The following REDIC1 variants were observed in gnomAD, a reference collection of about 807,000 sequenced individuals.
The protein encoded by REDIC1 is HEI10 Interacting Protein 1.
the REDIC1 span, among the ~76,000 whole-genome samples, chr12:39,901,937 C>T: frequency 1.2e-4 from 19 of 152,186 alleles, no homozygotes; most frequent in East Asian, 3.7e-3. Flanking sequence ...GACTTGGAAC[C>T]AACCAAAATG....
chr12:39,733,799 CA>C, the REDIC1 span, among the ~76,000 whole-genome samples: 1 of 152,234 alleles, frequency 6.6e-6, no homozygotes, highest in African/African-American at 2.4e-5. Flanking sequence ...GCTGTGCTGA[CA>C]GCAAGAATTT....
chr12:39,763,162 ATT>A, the REDIC1 span, among the ~76,000 whole-genome samples: 1 of 152,026 alleles, frequency 6.6e-6, no homozygotes, highest in South Asian at 2.1e-4. Context: ...TTATCGAAAA[ATT>A]TTAATTGCCA....
the REDIC1 span, among the ~76,000 whole-genome samples, chr12:39,690,311 G>A: frequency 6.6e-6 from 1 of 152,156 alleles, no homozygotes. Flanking sequence ...AAAGAACAAA[G>A]TATTAGAGGA....
the REDIC1 span, among the ~76,000 whole-genome samples, chr12:39,809,082 GT>G: frequency 6.6e-6 from 1 of 151,884 alleles, no homozygotes; most frequent in Non-Finnish European, 1.5e-5. Context: ...GCTTTTTTGT[GT>G]TTAGGGTGTA....
the REDIC1 span, chr12:39,830,167 T>A: frequency 1.9e-6 from 3 of 1,613,646 alleles, no homozygotes; most frequent in African/African-American, 4.0e-5. Flanking sequence ...TCAATGACAG[T>A]TGATTTGTTC....
chr12:39,766,187 T>C, the REDIC1 span, among the ~76,000 whole-genome samples: 1 of 152,096 alleles, frequency 6.6e-6, no homozygotes, highest in Non-Finnish European at 1.5e-5. Context: ...TGGATTATCC[T>C]TTCAGTATTC....
chr12:39,638,546 C>T, the REDIC1 span, among the ~76,000 whole-genome samples: 1 of 151,952 alleles, frequency 6.6e-6, no homozygotes, highest in Non-Finnish European at 1.5e-5. Flanking sequence ...TTTGAATCAG[C>T]CAAATATACT....
At chr12:39,633,108 T>G in the REDIC1 span, among the ~76,000 whole-genome samples, 1 of 151,976 alleles carries the variant, frequency 6.6e-6, no homozygotes, top group African/African-American at 2.4e-5. Context: ...TTTTAAATTT[T>G]AGGGTACATG....
At chr12:39,746,207 G>A in the REDIC1 span, among the ~76,000 whole-genome samples, 1 of 152,042 alleles carries the variant, frequency 6.6e-6, no homozygotes, top group Non-Finnish European at 1.5e-5. Context: ...GGTGACAGAC[G>A]GCACCTGGAA....
chr12:39,823,894 T>A, the REDIC1 span, among the ~76,000 whole-genome samples: 1 of 152,224 alleles, frequency 6.6e-6, no homozygotes, highest in Non-Finnish European at 1.5e-5. Context: ...TTAAAATCTT[T>A]GTGTTAATGT....
chr12:39,764,034 T>C, the REDIC1 span, among the ~76,000 whole-genome samples: 2,769 of 152,218 alleles, frequency 0.018, 86 homozygotes, highest in African/African-American at 0.063. Flanking sequence ...CTTTCAGCCC[T>C]ACGCAGATTC....
the REDIC1 span, among the ~76,000 whole-genome samples, chr12:39,715,393 G>C: frequency 5.2e-4 from 79 of 151,834 alleles, no homozygotes; most frequent in East Asian, 0.013. Flanking sequence ...TTATTTCCGG[G>C]TTCTCTATTC....
the REDIC1 span, among the ~76,000 whole-genome samples, chr12:39,718,298 G>A: frequency 6.6e-6 from 1 of 152,048 alleles, no homozygotes; most frequent in Non-Finnish European, 1.5e-5. Flanking sequence ...TTCAAAACAT[G>A]TAAACTATTT....
the REDIC1 span, among the ~76,000 whole-genome samples, chr12:39,718,319 G>C: frequency 6.6e-6 from 1 of 152,026 alleles, no homozygotes; most frequent in African/African-American, 2.4e-5. Flanking sequence ...TGATGCCTTC[G>C]GTGTTGAACT....
At chr12:39,730,996 G>T in the REDIC1 span, among the ~76,000 whole-genome samples, 1 of 151,892 alleles carries the variant, frequency 6.6e-6, no homozygotes, top group African/African-American at 2.4e-5. Flanking sequence ...GTGTTTTTCA[G>T]CTCCATCAGG....
At chr12:39,669,459 C>T in the REDIC1 span, among the ~76,000 whole-genome samples, 1 of 152,146 alleles carries the variant, frequency 6.6e-6, no homozygotes, top group African/African-American at 2.4e-5. Context: ...GTCAGTCTGC[C>T]CCTACTGGGG....
At chr12:39,692,121 A>G in the REDIC1 span, 4 of 1,544,324 alleles carry the variant, frequency 2.6e-6, no homozygotes, top group Non-Finnish European at 2.6e-6. Flanking sequence ...CTGTCAGTAT[A>G]ACTGTATAAG....
chr12:39,785,126 C>T, the REDIC1 span, among the ~76,000 whole-genome samples: 1 of 152,156 alleles, frequency 6.6e-6, no homozygotes, highest in South Asian at 2.1e-4. Context: ...ATCCCCAAGA[C>T]CATGGGGAAA....
At chr12:39,680,226 A>G in the REDIC1 span, among the ~76,000 whole-genome samples, 1 of 152,234 alleles carries the variant, frequency 6.6e-6, no homozygotes, top group Admixed American at 6.5e-5. Context: ...TTCCCAAACT[A>G]TGCATCTGAC....
Sources: allele counts gnomAD v4.1 joint callset (sites outside exome capture counted in the v4.1 genomes callset), GRCh38; gene constraint gnomAD v4.1.1; transcripts MANE v1.5; gene names NCBI Gene and HGNC (gene_info 2026-07-23, HGNC 2026-07-21).